KCNK9: variants seen among roughly 807,000 people sequenced by gnomAD.
The protein encoded by KCNK9 is potassium two pore domain channel subfamily K member 9.
Under a neutral mutation model 10.8 loss-of-function variants are expected in KCNK9, and 1 was observed. That is an observed-to-expected ratio of 0.09 (90% confidence interval 0.03 to 0.44). The LOEUF (loss-of-function observed/expected upper bound fraction) is 0.44. KCNK9 is among the 20% of genes least tolerant of loss of function. The probability of loss-of-function intolerance (pLI) is 0.97; values close to 1 mark genes in which losing one functional copy is unlikely to be tolerated. For missense variants in KCNK9, 303 were observed against 515.0 expected, an observed-to-expected ratio of 0.59 and a Z score of 3.98; for synonymous variants, 231 against 222.7, an observed-to-expected ratio of 1.04 and a Z score of -0.33.
At chr8:139,665,966 C>CCACACAGCACAACTCTGT (rs1816289057) in intron 1 of KCNK9, among the ~76,000 whole-genome samples, 1 of 152,220 alleles carries the variant, frequency 6.6e-6, no homozygotes, top group Non-Finnish European at 1.5e-5. Context: ...TCAACACCCG[C>CCACACAGCACAACTCTGT]CACACAGCAC....
intron 1 of KCNK9, among the ~76,000 whole-genome samples, chr8:139,692,001 C>T (rs1233757885): frequency 1.3e-5 from 2 of 152,232 alleles, no homozygotes; most frequent in Admixed American, 6.5e-5. Flanking sequence ...AGCTGGCACA[C>T]GCCTTTGACT....
At chr8:139,645,775 C>G (rs958806482) in intron 1 of KCNK9, among the ~76,000 whole-genome samples, 13 of 152,204 alleles carry the variant, frequency 8.5e-5, no homozygotes, top group Non-Finnish European at 1.9e-4. Context: ...AGGCCCCAAG[C>G]GGTGCACAGG....
intron 1 of KCNK9, among the ~76,000 whole-genome samples, chr8:139,640,238 C>T (rs893932535): frequency 1.3e-5 from 2 of 152,244 alleles, no homozygotes; most frequent in African/African-American, 4.8e-5. Flanking sequence ...ATCTGTAAAG[C>T]ATCCCAGCTC....
At position 139,619,180 on chromosome 8, in the gene KCNK9, G is replaced by A. The variant is rs551902301; in HGVS notation, c.284-81C>T. On this transcript the variant is annotated intron_variant, in intron 1 of 1. Transcript: ENST00000520439. ...TGGGGGAAGGGAGGGTCGACTTGGT[G>A]CAGTGCAGTGCAATGCAGAGGGACC... The A allele has an allele frequency of 3.8e-5, 56 of 1,490,674 alleles. No individual in the cohort carries two copies. In the East Asian group the frequency reaches 7.8e-4, roughly 21 times the overall value. The allele number at this position is 1,490,674 out of a possible 1,614,324, so 92.3% of individuals were successfully genotyped here. A position where few individuals can be genotyped will look rare whatever the true frequency, so the allele number is the denominator to read the frequency against.
At chr8:139,697,092 C>T (rs1270037718) in intron 1 of KCNK9, among the ~76,000 whole-genome samples, 1 of 147,430 alleles carries the variant, frequency 6.8e-6, no homozygotes, top group Non-Finnish European at 1.5e-5. Flanking sequence ...GGTGGGTGAA[C>T]AGATGGATGG....
In KCNK9 at chr8:139,638,247, C is replaced by T. The variant is rs527741587; in HGVS notation, c.284-19148G>A. ...ATGGATAAGTTGCTCCTCACCTGTA[C>T]GTCCCCGTTTATTTCATATTTACAG... On this transcript the variant is annotated intron_variant, in intron 1 of 1. Coordinates refer to ENST00000520439, the MANE Select transcript of KCNK9 (RefSeq NM_001282534.2). Among the ~76,000 whole-genome samples the T allele has an allele frequency of 2.3e-4, 35 of 152,208 alleles. 1 individual carries two copies. The highest frequency in any genetic ancestry group is 8.2e-4 in the African/African-American group (34 of 41,544).
chr8:139,610,610 C>T (rs577990775), downstream of KCNK9, among the ~76,000 whole-genome samples: 1 of 152,266 alleles, frequency 6.6e-6, no homozygotes, highest in East Asian at 1.9e-4. Context: ...CAAGGGGATG[C>T]CACAGAATTC....
chr8:139,689,359 T>C (rs966724885), intron 1 of KCNK9, among the ~76,000 whole-genome samples: 1 of 152,110 alleles, frequency 6.6e-6, no homozygotes, highest in African/African-American at 2.4e-5. Flanking sequence ...TTGAACCCAC[T>C]TGGAAACCAA....
Position 139,702,662 on chromosome 8 carries a change from C to G in KCNK9, c.283+48G>C. The G allele has an allele frequency of 6.4e-7, 1 of 1,554,666 alleles. No individual in the cohort carries two copies. Among genetic ancestry groups the G allele is most frequent in the Non-Finnish European group, 8.7e-7 (1 of 1,153,496 alleles). ...GGCGCGGCGCGCTCAGCCGCCTCCC[C>G]GGACTCCTCCCGGGGCGCGGGAGCC... On this transcript the variant is annotated intron_variant, in intron 1 of 1. Transcript: ENST00000520439. The surrounding 1 kb of genome is among the most constrained non-coding windows in gnomAD (Gnocchi z 7.5).
intron 1 of KCNK9, among the ~76,000 whole-genome samples, chr8:139,647,004 G>T (rs1815708214): frequency 1.3e-5 from 2 of 152,368 alleles, no homozygotes; most frequent in Middle Eastern, 6.8e-3. Flanking sequence ...TGCACACAAA[G>T]GTGGGCTGGG....
chr8:139,616,095 C>A (rs543637428), downstream of KCNK9: 1 of 152,198 alleles, frequency 6.6e-6, no homozygotes, highest in African/African-American at 2.4e-5. Context: ...GCAAATCACC[C>A]TCTCAGTGCC....
In KCNK9 at chr8:139,702,169, G is replaced by T. The variant is rs1817237247; in HGVS notation, c.283+541C>A. On this transcript the variant is annotated intron_variant, in intron 1 of 1. Transcript: ENST00000520439. The surrounding 1 kb of genome is among the most constrained non-coding windows in gnomAD (Gnocchi z 7.5). ...AAAAAGGAGCCGGGCGGGGGGAAGA[G>T]AGATGAAATCTGAGCTCAGAGAAGC... is the stretch of plus-strand genomic sequence containing the variant. Among the ~76,000 whole-genome samples, 1 of 152,154 alleles carries T rather than the reference G, an allele frequency of 6.6e-6. No individual in the cohort carries two copies. The highest frequency in any genetic ancestry group is 2.1e-4 in the South Asian group (1 of 4,824).
chr8:139,604,728 C>A (rs1817449061), intron 2 of KCNK9, among the ~76,000 whole-genome samples: 2 of 152,152 alleles, frequency 1.3e-5, no homozygotes, highest in East Asian at 3.9e-4. Flanking sequence ...ATAATTCTTA[C>A]CAGGGCTCAC....
intron 1 of KCNK9, among the ~76,000 whole-genome samples, chr8:139,642,704 G>A (rs1453600001): frequency 6.6e-6 from 1 of 152,238 alleles, no homozygotes; most frequent in African/African-American, 2.4e-5. Context: ...CCTGGGGAAG[G>A]AGCCGTGGAT....
At chr8:139,661,592 T>A (rs1234406723) in intron 1 of KCNK9, among the ~76,000 whole-genome samples, 13 of 152,088 alleles carry the variant, frequency 8.5e-5, no homozygotes, top group African/African-American at 2.9e-4. Context: ...GGGCGAGGTA[T>A]CCTGAGCGCC....
At chr8:139,643,492 G>A (rs368054975) in intron 1 of KCNK9, among the ~76,000 whole-genome samples, 8 of 152,338 alleles carry the variant, frequency 5.3e-5, no homozygotes, top group East Asian at 1.9e-4. Flanking sequence ...ACACAGGAGC[G>A]TTCCGGATCC....
At chr8:139,614,426 T>G (rs1401970064), downstream of KCNK9, among the ~76,000 whole-genome samples, 2 of 152,218 alleles carry the variant, frequency 1.3e-5, no homozygotes, top group African/African-American at 4.8e-5. Context: ...GGGCTGCAAA[T>G]GAGCTGCTGT....
At chr8:139,677,842 A>G (rs373380442) in intron 1 of KCNK9, among the ~76,000 whole-genome samples, 27 of 47,322 alleles carry the variant, frequency 5.7e-4, no homozygotes, top group African/African-American at 9.8e-4. Flanking sequence ...GCAGAGTAGT[A>G]CCTCACATCC....
chr8:139,672,717 C>G (rs1241965420), intron 1 of KCNK9, among the ~76,000 whole-genome samples: 1 of 152,216 alleles, frequency 6.6e-6, no homozygotes, highest in Non-Finnish European at 1.5e-5. Context: ...GGGCCAAGAA[C>G]TGGGTCTCCA....
Sources: allele counts gnomAD v4.1 joint callset (sites outside exome capture counted in the v4.1 genomes callset), GRCh38; gene constraint gnomAD v4.1.1; non-coding constraint Gnocchi (gnomAD v3.1); transcripts MANE v1.5; gene names NCBI Gene and HGNC (gene_info 2026-07-23, HGNC 2026-07-21).